Variants in TRIM55 observed in about 807,000 individuals in gnomAD.
TRIM55 encodes tripartite motif containing 55, also known as tripartite motif-containing protein 55.
A neutral mutation model predicts 60.9 loss-of-function variants in TRIM55; 50 were observed. That is an observed-to-expected ratio of 0.82 (90% confidence interval 0.65 to 1.04). The LOEUF is 1.04. Ranked by LOEUF, TRIM55 falls within the 50% of genes least tolerant of loss-of-function variation. The pLI is 0.00. For synonymous variants in TRIM55, 237 were observed against 238.1 expected (o/e 1.00, Z 0.04); for missense variants, 681 against 666.9 (o/e 1.02, Z -0.23).
intron 7 of TRIM55, among the ~76,000 whole-genome samples, chr8:66,151,890 A>T (rs1180334697): frequency 6.8e-6 from 1 of 146,706 alleles, no homozygotes; most frequent in African/African-American, 2.5e-5. Context: ...ATAAATAAAT[A>T]AATAAAAGAG....
chr8:66,126,527 G>GTATT (rs1344508751), upstream of TRIM55, among the ~76,000 whole-genome samples: 1 of 152,078 alleles, frequency 6.6e-6, no homozygotes, highest in Non-Finnish European at 1.5e-5. Flanking sequence ...ATTTATGCAT[G>GTATT]TATTTATTTA....
the TRIM55 span, among the ~76,000 whole-genome samples, chr8:66,121,650 C>T: frequency 5.3e-5 from 8 of 152,186 alleles, no homozygotes; most frequent in African/African-American, 1.9e-4. Context: ...AAGGCAAACG[C>T]TGAGCTGTTA....
intron 2 of TRIM55, among the ~76,000 whole-genome samples, 155 bp downstream of exon 2, chr8:66,128,631 A>G (rs1808967752): frequency 6.6e-6 from 1 of 152,222 alleles, no homozygotes; most frequent in Non-Finnish European, 1.5e-5. Flanking sequence ...AGTGAGACTG[A>G]GAGTTGCTCA....
chr8:66,164,930 G>A (rs1811239800), intron 9 of TRIM55, among the ~76,000 whole-genome samples: 1 of 119,810 alleles, frequency 8.3e-6, no homozygotes, highest in Non-Finnish European at 1.7e-5. Flanking sequence ...TGGGAAGGAG[G>A]AAAGAAGGAA....
intron 4 of TRIM55, among the ~76,000 whole-genome samples, chr8:66,147,665 T>C (rs1004639658): frequency 1.3e-5 from 2 of 151,690 alleles, no homozygotes; most frequent in Non-Finnish European, 2.9e-5. Flanking sequence ...CAAGGTGGCA[T>C]GTGCCTGTAA....
chr8:66,128,583 G>C (rs1025428930), intron 2 of TRIM55, 107 bp downstream of exon 2: 5 of 1,255,348 alleles, frequency 4.0e-6, no homozygotes, highest in Non-Finnish European at 5.5e-6. Flanking sequence ...ATCACAGACT[G>C]TTTTATGGAA....
chr8:66,156,060 G>T (rs965446127), intron 9 of TRIM55, among the ~76,000 whole-genome samples: 6 of 152,196 alleles, frequency 3.9e-5, no homozygotes, highest in Non-Finnish European at 7.3e-5. Context: ...AGGACTTACT[G>T]CTCGTAGAGA....
chr8:66,113,739 A>G, the TRIM55 span: 4 of 359,768 alleles, frequency 1.1e-5, no homozygotes, highest in South Asian at 8.1e-5. Flanking sequence ...CCGGGCCCCG[A>G]GTCACACAGG....
intron 9 of TRIM55, among the ~76,000 whole-genome samples, chr8:66,162,888 A>G (rs1429470111): frequency 6.6e-6 from 1 of 152,124 alleles, no homozygotes; most frequent in Non-Finnish European, 1.5e-5. Flanking sequence ...AATTAGGTCT[A>G]AGATCATTTT....
At chr8:66,153,891 G>A (rs185487103) in intron 8 of TRIM55, among the ~76,000 whole-genome samples, 156 bp from the exon 9 acceptor site, 106 of 152,270 alleles carry the variant, frequency 7.0e-4, no homozygotes, top group African/African-American at 2.4e-3. Context: ...TGCCCTTAGC[G>A]CTTCTGGAGG....
chr8:66,134,519 T>C (rs1462127261), intron 2 of TRIM55, among the ~76,000 whole-genome samples: 1 of 152,096 alleles, frequency 6.6e-6, no homozygotes, highest in Non-Finnish European at 1.5e-5. Flanking sequence ...AACTCGACTT[T>C]TAGTTCATCA....
chr8:66,167,063 C>G (rs935175968), intron 9 of TRIM55, among the ~76,000 whole-genome samples: 1 of 152,208 alleles, frequency 6.6e-6, no homozygotes. Flanking sequence ...CAACCTGCCT[C>G]TCTGTCTGCC....
At chr8:66,120,013 T>C in the TRIM55 span, among the ~76,000 whole-genome samples, 1 of 152,110 alleles carries the variant, frequency 6.6e-6, no homozygotes, top group Non-Finnish European at 1.5e-5. Context: ...GGTGAGGTCA[T>C]GGGCTCTGTG....
At position 66,127,275 on chromosome 8, in the gene TRIM55, G is replaced by A. The variant is rs992697225; in HGVS notation, c.7G>A (p.Ala3Thr). The A allele has an allele frequency of 1.7e-5, 28 of 1,613,706 alleles. No individual in the cohort carries two copies. Among genetic ancestry groups the A allele is most frequent in the South Asian group, 4.4e-5 (4 of 91,056 alleles). The change falls in exon 1 of 10, where the codon GCA (alanine) becomes ACA (threonine). Residue 3 changes from alanine to threonine, a missense_variant. By Grantham distance (58) the Ala-to-Thr change is moderately conservative (BLOSUM62 0). Transcript: ENST00000315962. The stretch of plus-strand genomic sequence containing the variant: ...ACTTGGGGACAGCGAGGAGATGAGC[G>A]CATCTCTGAATTACAAATCTTTTTC... MS[A>T]SLNYKSFSKE...
At chr8:66,113,824 C>A in the TRIM55 span, among the ~76,000 whole-genome samples, 1 of 152,332 alleles carries the variant, frequency 6.6e-6, no homozygotes, top group South Asian at 2.1e-4. Context: ...GACCCGAGGG[C>A]TCGCAACGGC....
At chr8:66,136,111 A>G (rs1387021233) in intron 3 of TRIM55, among the ~76,000 whole-genome samples, 1 of 152,114 alleles carries the variant, frequency 6.6e-6, no homozygotes, top group Non-Finnish European at 1.5e-5. Context: ...TATCCACAAC[A>G]TTTGTTTATT....
At chr8:66,147,510 T>A (rs1810157699) in intron 4 of TRIM55, among the ~76,000 whole-genome samples, 1 of 152,006 alleles carries the variant, frequency 6.6e-6, no homozygotes, top group Non-Finnish European at 1.5e-5. Context: ...AAAAAAAATC[T>A]ATTCCGCCAG....
intron 7 of TRIM55, 58 bp downstream of exon 7, chr8:66,150,524 A>T (rs1810356528): frequency 6.2e-7 from 1 of 1,603,954 alleles, no homozygotes; most frequent in Non-Finnish European, 8.5e-7. Context: ...GCTGCCGAAG[A>T]GTTGGGTGGG....
At chr8:66,113,388 G>T in the TRIM55 span, 13 of 397,048 alleles carry the variant, frequency 3.3e-5, no homozygotes, top group Admixed American at 2.2e-4. Context: ...TCAGCTGGTA[G>T]AGCGGAGGAC....
Sources: gnomAD v4.1 joint callset for allele counts (sites outside exome capture counted in the v4.1 genomes callset) on GRCh38, gnomAD v4.1.1 for gene constraint, MANE v1.5 for transcripts, NCBI Gene and HGNC (gene_info 2026-07-23, HGNC 2026-07-21) for gene names.